NTM: variants seen among roughly 807,000 people sequenced by gnomAD.
The protein encoded by NTM is neurotrimin.
NTM carries 13 observed loss-of-function variants against 42.1 expected under a neutral mutation model. The observed-to-expected ratio is 0.31, with a 90% confidence interval of 0.20 to 0.49. The LOEUF is 0.49. Among genes scored for constraint, NTM ranks in the 20% least tolerant of loss-of-function variants. NTM has a pLI of 0.99. For synonymous variants in NTM, 187 were observed against 179.2 expected (o/e 1.04, Z -0.35); for missense variants, 373 against 452.8 (o/e 0.82, Z 1.60).
At chr11:131,981,844 C>A (rs1365172205) in intron 2 of NTM, among the ~76,000 whole-genome samples, 1 of 151,982 alleles carries the variant, frequency 6.6e-6, no homozygotes, top group African/African-American at 2.4e-5. Context: ...AACCCCATCT[C>A]TACTAAAAAA....
chr11:132,194,884 G>A (rs1179436952), intron 3 of NTM, among the ~76,000 whole-genome samples: 4 of 136,512 alleles, frequency 2.9e-5, no homozygotes, highest in African/African-American at 5.6e-5. Flanking sequence ...GTGCAGTGGT[G>A]TAATCTCAGC....
chr11:131,911,352 C>T (rs2054916341), intron 1 of NTM: 5 of 1,521,222 alleles, frequency 3.3e-6, no homozygotes, highest in African/African-American at 2.8e-5. Flanking sequence ...CTCCTCCCCG[C>T]GCCTCCCGGT....
At chr11:131,712,995 C>T (rs1397573114) in intron 1 of NTM, among the ~76,000 whole-genome samples, 2 of 151,884 alleles carry the variant, frequency 1.3e-5, no homozygotes, top group Admixed American at 6.6e-5. Flanking sequence ...AGAGGGAGCC[C>T]CGGTTGGTCA....
chr11:131,801,765 C>T (rs1051045014), intron 1 of NTM, among the ~76,000 whole-genome samples: 14 of 152,026 alleles, frequency 9.2e-5, no homozygotes, highest in East Asian at 3.9e-4. Flanking sequence ...GGAACCAGGC[C>T]GCCTTGCACA....
chr11:132,330,305 C>T (rs1217172081), intron 8 of NTM, 120 bp downstream of exon 8: 4 of 1,053,988 alleles, frequency 3.8e-6, no homozygotes, highest in Non-Finnish European at 5.5e-6. Context: ...AGAGGGAACC[C>T]TCCCCCAACC....
chr11:131,958,436 C>T (rs1342717660), intron 2 of NTM, among the ~76,000 whole-genome samples: 1 of 152,130 alleles, frequency 6.6e-6, no homozygotes, highest in Non-Finnish European at 1.5e-5. Flanking sequence ...GCACTGACTT[C>T]AAGAACTTCC....
At chr11:131,740,040 CTT>C (rs1244911094) in intron 1 of NTM, among the ~76,000 whole-genome samples, 5 of 152,234 alleles carry the variant, frequency 3.3e-5, no homozygotes, top group African/African-American at 1.2e-4. Flanking sequence ...CGCTCTGACA[CTT>C]TACTGCGCAG....
At chr11:132,165,398 T>C (rs1281301381) in intron 3 of NTM, among the ~76,000 whole-genome samples, 1 of 152,208 alleles carries the variant, frequency 6.6e-6, no homozygotes, top group Non-Finnish European at 1.5e-5. Flanking sequence ...TTTGCTGTCA[T>C]GGCCTTGCTT....
At chr11:132,179,598 G>C (rs2077273647) in intron 3 of NTM, among the ~76,000 whole-genome samples, 1 of 152,192 alleles carries the variant, frequency 6.6e-6, no homozygotes, top group Admixed American at 6.5e-5. Context: ...ATAAGCAGAT[G>C]AGATTTGCAT....
chr11:131,390,999 GC>G (rs1459874225), intron 1 of NTM, among the ~76,000 whole-genome samples: 1 of 152,166 alleles, frequency 6.6e-6, no homozygotes, highest in Non-Finnish European at 1.5e-5. Flanking sequence ...AGGTCCTGGA[GC>G]AATTCTGTGC....
chr11:132,031,786 T>A (rs972753382), intron 2 of NTM, among the ~76,000 whole-genome samples: 2 of 152,146 alleles, frequency 1.3e-5, no homozygotes, highest in Non-Finnish European at 2.9e-5. Context: ...GACTTAGACA[T>A]GTCTTGGATG....
At chr11:131,968,102 A>T (rs560163384) in intron 2 of NTM, among the ~76,000 whole-genome samples, 40 of 152,354 alleles carry the variant, frequency 2.6e-4, no homozygotes, top group African/African-American at 9.6e-4. Flanking sequence ...TACAATTTAA[A>T]ATCACCTTTA....
In NTM at chr11:132,033,788, G is replaced by T. The variant is rs2076199075; in HGVS notation, c.168-112494G>T. On this transcript the variant is annotated intron_variant, in intron 2 of 8. Transcript: ENST00000683400. ...TTCTTTAAGAAAAATGTTTTTATGAGTCAGAGATAAATCCGGAGACTGGAT... is the reference window on the plus strand; with the variant it reads ...TTCTTTAAGAAAAATGTTTTTATGATTCAGAGATAAATCCGGAGACTGGAT... Among the ~76,000 whole-genome samples the T allele has an allele frequency of 2.0e-5, 3 of 152,284 alleles. No homozygotes were observed. In the South Asian group the frequency reaches 6.2e-4, roughly 32 times the overall value.
intron 1 of NTM, among the ~76,000 whole-genome samples, chr11:131,466,844 A>G (rs1344628730): frequency 2.0e-5 from 3 of 152,156 alleles, no homozygotes; most frequent in African/African-American, 4.8e-5. Context: ...ATTTATTTTT[A>G]TTGTGTTGGA....
intron 1 of NTM, among the ~76,000 whole-genome samples, chr11:131,566,514 C>T (rs570439430): frequency 1.3e-5 from 2 of 151,980 alleles, no homozygotes; most frequent in Non-Finnish European, 2.9e-5. Flanking sequence ...AACTGCTGCT[C>T]GACTCATCAT....
intron 2 of NTM, among the ~76,000 whole-genome samples, chr11:132,049,908 G>T (rs946517064): frequency 2.6e-5 from 4 of 152,108 alleles, no homozygotes; most frequent in African/African-American, 9.7e-5. Flanking sequence ...CTCCTTTGCT[G>T]GGTGGGGGGC....
intron 1 of NTM, among the ~76,000 whole-genome samples, chr11:131,654,018 C>G (rs1036896634): frequency 6.6e-6 from 1 of 152,132 alleles, no homozygotes; most frequent in Non-Finnish European, 1.5e-5. Context: ...CTTCCCTGCC[C>G]GTCAGATGGA....
chr11:131,577,379 C>T (rs949036661), intron 1 of NTM, among the ~76,000 whole-genome samples: 5 of 152,248 alleles, frequency 3.3e-5, no homozygotes, highest in Admixed American at 3.3e-4. Flanking sequence ...TCTATCAACT[C>T]TTATAGCACT....
At chr11:132,218,114 A>G (rs1039338567) in intron 4 of NTM, among the ~76,000 whole-genome samples, 4 of 152,106 alleles carry the variant, frequency 2.6e-5, no homozygotes, top group African/African-American at 9.7e-5. Context: ...GCCTGTCAGC[A>G]CCAGCATCCG....
Sources: allele counts gnomAD v4.1 joint callset (sites outside exome capture counted in the v4.1 genomes callset), GRCh38; gene constraint gnomAD v4.1.1; transcripts MANE v1.5; gene names NCBI Gene and HGNC (gene_info 2026-07-23, HGNC 2026-07-21).